Variants in BRI3BP observed in about 807,000 individuals in gnomAD.
The protein encoded by BRI3BP is BRI3-binding protein.
BRI3BP carries 7 observed loss-of-function variants against 15.8 expected under a neutral mutation model. That is an observed-to-expected ratio of 0.44 (90% CI 0.25 to 0.83). The LOEUF (loss-of-function observed/expected upper bound fraction) is 0.83, where lower values mean the gene tolerates loss of function less well. Ranked by LOEUF, BRI3BP falls within the 40% of genes least tolerant of loss-of-function variation. BRI3BP has a pLI of 0.20. For missense variants in BRI3BP, 320 were observed against 339.3 expected (o/e 0.94, Z 0.45); for synonymous variants, 192 against 163.5 (o/e 1.17, Z -1.33).
chr12:125,040,516 G>C, the BRI3BP span, among the ~76,000 whole-genome samples: 1 of 147,320 alleles, frequency 6.8e-6, no homozygotes, highest in African/African-American at 2.5e-5. Flanking sequence ...AGCTAATTTC[G>C]TATTTTTAGT....
the BRI3BP span, among the ~76,000 whole-genome samples, chr12:125,037,161 A>G: frequency 2.0e-5 from 3 of 152,244 alleles, no homozygotes; most frequent in African/African-American, 7.2e-5. Flanking sequence ...CTGGGTTCAA[A>G]TGATTCTCCG....
At chr12:125,044,246 G>A in the BRI3BP span, among the ~76,000 whole-genome samples, 5 of 152,022 alleles carry the variant, frequency 3.3e-5, no homozygotes, top group South Asian at 8.3e-4. Context: ...GCCAGCTCCC[G>A]GGTTCAAGCG....
chr12:125,004,404 A>G (rs1565902786), intron 1 of BRI3BP, among the ~76,000 whole-genome samples: 1 of 152,202 alleles, frequency 6.6e-6, no homozygotes, highest in Non-Finnish European at 1.5e-5. Context: ...TCCCAGACTC[A>G]AACGATCCTC....
chr12:125,008,712 C>T (rs1955170953), intron 1 of BRI3BP, among the ~76,000 whole-genome samples: 3 of 152,214 alleles, frequency 2.0e-5, no homozygotes, highest in South Asian at 2.1e-4. Flanking sequence ...GGGATGGTTT[C>T]GGGATGATTC....
chr12:125,025,001 G>C lies in BRI3BP; in HGVS notation c.327G>C (p.Leu109=). Residue 109 remains leucine, a synonymous_variant, in exon 3 of 3, where the codon CTG becomes CTC. Transcript: ENST00000341446. ...LDVLGLDVSN[L]SQYFSPASVS... is the part of the protein sequence containing the mutation. ...TTTTCTGTCCCGCAGTCTCCAACCT[G>C]TCCCAGTATTTCAGCCCAGCCTCGG... 6.2e-7 allele frequency: 1 copy of C among 1,612,526 alleles called. No individual in the cohort carries two copies. Among genetic ancestry groups the C allele is most frequent in the Non-Finnish European group, 8.5e-7 (1 of 1,179,432 alleles).
At chr12:125,040,447 C>T in the BRI3BP span, among the ~76,000 whole-genome samples, 7 of 150,642 alleles carry the variant, frequency 4.6e-5, no homozygotes, top group East Asian at 2.0e-4. Context: ...TGGGTTCAAG[C>T]GATTCTCCTG....
At chr12:124,997,580 T>C (rs1342343813) in intron 1 of BRI3BP, among the ~76,000 whole-genome samples, 1 of 152,148 alleles carries the variant, frequency 6.6e-6, no homozygotes, top group Non-Finnish European at 1.5e-5. Context: ...TAAAGGAGAT[T>C]GGTTGGGCTG....
the BRI3BP span, among the ~76,000 whole-genome samples, chr12:125,038,255 C>CAAAAAAAAA: frequency 8.6e-6 from 1 of 116,612 alleles, no homozygotes. Context: ...CCAGCCATCT[C>CAAAAAAAAA]AAAAAAAAAA....
chr12:124,996,255 A>G (rs1213939430), intron 1 of BRI3BP, among the ~76,000 whole-genome samples: 2 of 151,968 alleles, frequency 1.3e-5, no homozygotes, highest in Admixed American at 6.6e-5. Flanking sequence ...CACACTGGCC[A>G]GGCTTGGGGA....
the BRI3BP span, among the ~76,000 whole-genome samples, chr12:125,047,114 G>A: frequency 1.3e-5 from 2 of 152,046 alleles, no homozygotes; most frequent in Non-Finnish European, 2.9e-5. Flanking sequence ...ATTTAAAACA[G>A]GGATTTATAG....
At chr12:125,036,756 G>A in the BRI3BP span, among the ~76,000 whole-genome samples, 2 of 152,148 alleles carry the variant, frequency 1.3e-5, no homozygotes, top group African/African-American at 4.8e-5. Context: ...GTCTTTGGGA[G>A]GTGATTAGTC....
intron 1 of BRI3BP, among the ~76,000 whole-genome samples, chr12:124,997,158 C>T (rs756605414): frequency 2.0e-5 from 3 of 147,000 alleles, no homozygotes; most frequent in Non-Finnish European, 4.5e-5. Context: ...GTTTCTCACT[C>T]GCTCTGTGAC....
rs1291756521 is a variant in BRI3BP at position 125,029,944 on chromosome 12, T to C, written c.*4514T>C. The stretch of plus-strand genomic sequence containing the variant: ...GTCAGTGATTAGGAAGACTATAATA[T>C]GACTTTGTGCATGCCCGGGAGGGCT... On this transcript the variant is annotated 3_prime_UTR_variant, in exon 3 of 3. Transcript: ENST00000341446. 1 of 152,226 alleles carries C rather than the reference T, an allele frequency of 6.6e-6. No individual in the cohort carries two copies. Among genetic ancestry groups the C allele is most frequent in the Non-Finnish European group, 1.5e-5 (1 of 68,046 alleles). The allele number at this position is 152,226 out of a possible 1,614,324, so 9.4% of individuals were successfully genotyped here.
chr12:125,032,302 A>T (rs1011655207), downstream of BRI3BP, among the ~76,000 whole-genome samples: 2 of 152,054 alleles, frequency 1.3e-5, no homozygotes, highest in African/African-American at 4.8e-5. Context: ...CTCTACTAAG[A>T]ATGCAATTAG....
chr12:125,040,698 G>A, the BRI3BP span, among the ~76,000 whole-genome samples: 2 of 151,474 alleles, frequency 1.3e-5, no homozygotes, highest in Non-Finnish European at 2.9e-5. Flanking sequence ...CATGGAATGG[G>A]TTTATCTTTG....
chr12:125,036,418 G>A, the BRI3BP span, among the ~76,000 whole-genome samples: 3 of 151,498 alleles, frequency 2.0e-5, no homozygotes, highest in South Asian at 6.3e-4. Context: ...TAGAGACAGG[G>A]TTTCACTATG....
chr12:125,035,504 A>G (rs958556661), downstream of BRI3BP, among the ~76,000 whole-genome samples: 6 of 149,604 alleles, frequency 4.0e-5, no homozygotes, highest in African/African-American at 1.5e-4. Context: ...GGCAGTTCTC[A>G]TGCTTCAGTA....
At chr12:125,034,762 G>C (rs1289019407), downstream of BRI3BP, among the ~76,000 whole-genome samples, 2 of 152,038 alleles carry the variant, frequency 1.3e-5, no homozygotes, top group Non-Finnish European at 2.9e-5. Context: ...GCTAATTTTT[G>C]TATTTTTAGT....
the BRI3BP span, among the ~76,000 whole-genome samples, chr12:125,036,589 C>T: frequency 1.3e-5 from 2 of 151,972 alleles, no homozygotes; most frequent in Admixed American, 1.3e-4. Flanking sequence ...TAACACAGGG[C>T]ACTATTGGGA....
Sources: gnomAD v4.1 joint callset for allele counts (sites outside exome capture counted in the v4.1 genomes callset) on GRCh38, gnomAD v4.1.1 for gene constraint, MANE v1.5 for transcripts, NCBI Gene and HGNC (gene_info 2026-07-23, HGNC 2026-07-21) for gene names.